CRYL1: variants seen among roughly 807,000 people sequenced by gnomAD.
CRYL1 encodes crystallin lambda 1, also known as lambda-crystallin homolog.
Under a neutral mutation model 36.6 loss-of-function variants are expected in CRYL1, and 29 were observed. The ratio of observed to expected loss-of-function variants is 0.79; its 90% CI spans 0.59 to 1.08. The LOEUF (loss-of-function observed/expected upper bound fraction) is 1.08. Ranked by LOEUF, CRYL1 falls within the 50% of genes least tolerant of loss-of-function variation. CRYL1 has a pLI of 0.00. For synonymous variants in CRYL1, 152 were observed against 151.5 expected (o/e 1.00, Z -0.02); for missense variants, 411 against 407.9 (o/e 1.01, Z -0.06).
intron 1 of CRYL1, among the ~76,000 whole-genome samples, chr13:20,516,971 G>A (rs751086213): frequency 6.6e-6 from 1 of 152,130 alleles, no homozygotes; most frequent in Non-Finnish European, 1.5e-5. Flanking sequence ...CTACTCAGGA[G>A]GCTGAGGCAG....
chr13:20,404,263 A>G (rs1339638395), intron 7 of CRYL1, 21 bp from the exon 8 acceptor site: 3 of 1,470,928 alleles, frequency 2.0e-6, no homozygotes, highest in East Asian at 4.5e-5. Context: ...GAGAAGGAAA[A>G]AAAAGGACAA....
At chr13:20,471,310 C>T (rs986054705) in intron 3 of CRYL1, among the ~76,000 whole-genome samples, 2 of 152,094 alleles carry the variant, frequency 1.3e-5, no homozygotes, top group Non-Finnish European at 2.9e-5. Context: ...CGGTGGCTCA[C>T]GCCTGTAATC....
At chr13:20,523,614 G>A (rs1256646312) in intron 1 of CRYL1, among the ~76,000 whole-genome samples, 1 of 152,066 alleles carries the variant, frequency 6.6e-6, no homozygotes, top group Non-Finnish European at 1.5e-5. Context: ...GTGGGGCCAG[G>A]AAAGAAATAG....
intron 3 of CRYL1, among the ~76,000 whole-genome samples, chr13:20,475,062 C>A (rs897005794): frequency 1.3e-5 from 2 of 152,166 alleles, no homozygotes; most frequent in African/African-American, 4.8e-5. Flanking sequence ...AGTCCTCTCG[C>A]GATGTCCATT....
intron 3 of CRYL1, among the ~76,000 whole-genome samples, chr13:20,455,567 C>A: frequency 6.6e-6 from 1 of 151,144 alleles, no homozygotes; most frequent in South Asian, 2.1e-4. Flanking sequence ...ATACCATAAT[C>A]ATGAATTGGA....
chr13:20,509,176 A>G (rs113793459), intron 2 of CRYL1, among the ~76,000 whole-genome samples: 1,915 of 151,516 alleles, frequency 0.013, 43 homozygotes, highest in African/African-American at 0.044. Flanking sequence ...CCTGGGCAAC[A>G]AGAGCAAAAC....
At chr13:20,519,802 C>A (rs896770186) in intron 1 of CRYL1, among the ~76,000 whole-genome samples, 7 of 151,972 alleles carry the variant, frequency 4.6e-5, no homozygotes, top group Non-Finnish European at 4.4e-5. Flanking sequence ...CTTATTTAGA[C>A]CCTAAATCAA....
chr13:20,441,321 G>C (rs2032347540), intron 3 of CRYL1, among the ~76,000 whole-genome samples: 2 of 152,208 alleles, frequency 1.3e-5, no homozygotes, highest in African/African-American at 4.8e-5. Flanking sequence ...GGCATCTGCA[G>C]TTCTAACAAG....
chr13:20,432,319 G>C (rs779299676), intron 4 of CRYL1, 23 bp from the exon 5 acceptor site: 1 of 1,575,922 alleles, frequency 6.3e-7, no homozygotes, highest in South Asian at 1.1e-5. Context: ...AGAGAAGTGG[G>C]GGAGTCAAGG....
rs2033281571 is a variant in CRYL1, at chr13:20,481,732, G to A, written c.276+7638C>T. Among the ~76,000 whole-genome samples the A allele has an allele frequency of 6.6e-6, 1 of 152,064 alleles. No homozygotes were observed. The highest frequency in any genetic ancestry group is 2.4e-5 in the African/African-American group (1 of 41,394). On this transcript the variant is annotated intron_variant, in intron 3 of 7. Coordinates refer to ENST00000298248, the MANE Select transcript of CRYL1 (RefSeq NM_015974.3). This position sits in a 1 kb window ranked among gnomAD's most constrained non-coding sequence, Gnocchi z 4.1. ...TCAAGACCAGCCTGGCCAACATGAT[G>A]AAACCCCGTCTCTACTAAAAATACA...
chr13:20,426,309 A>G (rs2031934453), intron 5 of CRYL1, among the ~76,000 whole-genome samples: 2 of 149,030 alleles, frequency 1.3e-5, no homozygotes, highest in Non-Finnish European at 3.0e-5. Flanking sequence ...GGGTCTCACT[A>G]TGTTACCCAG....
At chr13:20,519,408 A>G (rs1360874401) in intron 1 of CRYL1, among the ~76,000 whole-genome samples, 1 of 152,114 alleles carries the variant, frequency 6.6e-6, no homozygotes, top group African/African-American at 2.4e-5. Context: ...TTTAAGAGAA[A>G]ATGAGCCTCT....
chr13:20,427,010 C>G (rs148857347), intron 5 of CRYL1: 1 of 985,498 alleles, frequency 1.0e-6, no homozygotes, highest in Non-Finnish European at 1.2e-6. Flanking sequence ...GAGAACCTGC[C>G]GAGGGTTGCA....
At chr13:20,518,357 G>A in intron 1 of CRYL1, among the ~76,000 whole-genome samples, 1 of 152,162 alleles carries the variant, frequency 6.6e-6, no homozygotes, top group Non-Finnish European at 1.5e-5. Flanking sequence ...TGACATTTTA[G>A]CAACGGAGGT....
At chr13:20,421,608 C>T (rs1258309702) in intron 5 of CRYL1, among the ~76,000 whole-genome samples, 3 of 152,146 alleles carry the variant, frequency 2.0e-5, no homozygotes, top group Non-Finnish European at 4.4e-5. Context: ...CACCTCTCTT[C>T]TCTTTGCCTT....
intron 5 of CRYL1, chr13:20,426,983 A>G: frequency 1.0e-6 from 1 of 985,532 alleles, no homozygotes; most frequent in Non-Finnish European, 1.2e-6. Context: ...ATCACCACCA[A>G]CTCACACCAG....
At chr13:20,411,336 T>C (rs2031517415) in intron 6 of CRYL1, among the ~76,000 whole-genome samples, 1 of 152,218 alleles carries the variant, frequency 6.6e-6, no homozygotes, top group African/African-American at 2.4e-5. Context: ...AAAATTGTTA[T>C]GGGCCTCCTT....
intron 1 of CRYL1, among the ~76,000 whole-genome samples, chr13:20,520,251 T>C (rs1286163276): frequency 1.3e-5 from 2 of 152,146 alleles, no homozygotes; most frequent in African/African-American, 4.8e-5. Flanking sequence ...TGAGGAGCAA[T>C]GTGGCAATTA....
intron 3 of CRYL1, among the ~76,000 whole-genome samples, chr13:20,456,638 A>ACACACAC (rs5802075): frequency 0.12 from 16,483 of 137,522 alleles, 1,224 homozygotes; most frequent in Non-Finnish European, 0.15. Flanking sequence ...ACACACACAC[A>ACACACAC]AAGACCACGA....
Sources: allele counts gnomAD v4.1 joint callset (sites outside exome capture counted in the v4.1 genomes callset), GRCh38; gene constraint gnomAD v4.1.1; non-coding constraint Gnocchi (gnomAD v3.1); transcripts MANE v1.5; gene names NCBI Gene and HGNC (gene_info 2026-07-23, HGNC 2026-07-21).